The following LUZP2 variants were observed in gnomAD, a reference collection of about 807,000 sequenced individuals.
LUZP2 encodes the protein leucine zipper protein 2.
In LUZP2, 52 loss-of-function variants were observed where a neutral mutation model predicts 51.6. That is an observed-to-expected ratio of 1.01 (90% CI 0.81 to 1.27). The LOEUF (loss-of-function observed/expected upper bound fraction) is 1.27, where lower values mean the gene tolerates loss of function less well. LUZP2 is among the 50% of genes most tolerant of loss of function. The probability of loss-of-function intolerance (pLI) is 0.00; values close to 1 mark genes in which losing one functional copy is unlikely to be tolerated. For missense variants in LUZP2, 436 were observed against 395.4 expected, an observed-to-expected ratio of 1.10 and a Z score of -0.87; for synonymous variants, 154 against 137.3, an observed-to-expected ratio of 1.12 and a Z score of -0.85.
At chr11:24,771,494 T>C (rs1260274988) in intron 5 of LUZP2, among the ~76,000 whole-genome samples, 2 of 150,446 alleles carry the variant, frequency 1.3e-5, no homozygotes, top group Non-Finnish European at 3.0e-5. Flanking sequence ...TAGCACATCA[T>C]AGTTCACATT....
At chr11:24,669,188 G>A (rs1205067852) in intron 1 of LUZP2, among the ~76,000 whole-genome samples, 1 of 152,124 alleles carries the variant, frequency 6.6e-6, no homozygotes. Flanking sequence ...AGTAAAATTA[G>A]AAAATTAGCA....
chr11:24,568,365 A>C (rs969884094), intron 1 of LUZP2, among the ~76,000 whole-genome samples: 4 of 151,842 alleles, frequency 2.6e-5, no homozygotes, highest in African/African-American at 7.2e-5. Flanking sequence ...GAAAAAAAAA[A>C]AAAAAAAAGG....
intron 5 of LUZP2, among the ~76,000 whole-genome samples, chr11:24,850,268 A>G (rs1851349019): frequency 6.6e-6 from 1 of 152,140 alleles, no homozygotes; most frequent in African/African-American, 2.4e-5. Context: ...TCTTATGTTT[A>G]AGTGTTTATT....
intron 9 of LUZP2, among the ~76,000 whole-genome samples, chr11:25,032,864 A>T (rs983357610): frequency 1.3e-5 from 2 of 152,190 alleles, no homozygotes; most frequent in African/African-American, 4.8e-5. Context: ...ACCACTATTT[A>T]TTCTGAAGTT....
At chr11:24,841,603 AC>A (rs1455492625) in intron 5 of LUZP2, among the ~76,000 whole-genome samples, 1 of 152,114 alleles carries the variant, frequency 6.6e-6, no homozygotes, top group Non-Finnish European at 1.5e-5. Context: ...TACACATGTA[AC>A]TTTAAATGCC....
chr11:24,860,115 G>A (rs1399381230), intron 5 of LUZP2, among the ~76,000 whole-genome samples: 1 of 152,190 alleles, frequency 6.6e-6, no homozygotes, highest in African/African-American at 2.4e-5. Context: ...TGGAGCCAGG[G>A]AGGCATAAAG....
At chr11:24,671,738 C>G (rs1856407557) in intron 1 of LUZP2, among the ~76,000 whole-genome samples, 1 of 152,080 alleles carries the variant, frequency 6.6e-6, no homozygotes. Context: ...GAGTCCCATT[C>G]CTTGAACATT....
intron 1 of LUZP2, among the ~76,000 whole-genome samples, chr11:24,562,176 T>A (rs570289451): frequency 8.8e-4 from 134 of 151,950 alleles, no homozygotes; most frequent in Middle Eastern, 3.4e-3. Context: ...CCAGAAAAAA[T>A]TAAAAATATA....
chr11:24,742,776 A>G (rs1441316155), intron 4 of LUZP2, among the ~76,000 whole-genome samples: 1 of 152,120 alleles, frequency 6.6e-6, no homozygotes, highest in Non-Finnish European at 1.5e-5. Flanking sequence ...GCCTAAGCCA[A>G]TGTCAAGAAC....
At chr11:24,750,535 AT>A (rs1237926361) in intron 4 of LUZP2, among the ~76,000 whole-genome samples, 1 of 152,230 alleles carries the variant, frequency 6.6e-6, no homozygotes, top group Admixed American at 6.5e-5. Context: ...TTACTCAAAT[AT>A]TCTACCAGTT....
At chr11:25,064,193 CT>C (rs902906248) in intron 10 of LUZP2, among the ~76,000 whole-genome samples, 1 of 151,756 alleles carries the variant, frequency 6.6e-6, no homozygotes, top group African/African-American at 2.4e-5. Context: ...TACTGATTTC[CT>C]TGGTGAAAAA....
chr11:24,833,703 C>CA (rs67774356), intron 5 of LUZP2, among the ~76,000 whole-genome samples: 748 of 13,296 alleles, frequency 0.056, 3 homozygotes, highest in Non-Finnish European at 0.11. Context: ...CGCCTGCCAC[C>CA]GCGCGCGCGC....
intron 1 of LUZP2, among the ~76,000 whole-genome samples, chr11:24,673,322 C>T (rs1479763961): frequency 8.5e-5 from 13 of 152,116 alleles, no homozygotes; most frequent in Admixed American, 2.6e-4. Flanking sequence ...ATGTGGTACA[C>T]GACTATATAT....
At chr11:24,510,789 T>C (rs139435655) in intron 1 of LUZP2, among the ~76,000 whole-genome samples, 23 of 152,322 alleles carry the variant, frequency 1.5e-4, no homozygotes, top group African/African-American at 5.5e-4. Flanking sequence ...AAAAGAAATT[T>C]AAAATATTTG....
chr11:24,687,473 C>T (rs933532119), intron 1 of LUZP2, among the ~76,000 whole-genome samples: 3 of 152,010 alleles, frequency 2.0e-5, no homozygotes, highest in Non-Finnish European at 2.9e-5. Flanking sequence ...AGAATGGTAC[C>T]TTTATCAGGT....
chr11:25,017,886 T>C (rs1052358530), intron 9 of LUZP2, among the ~76,000 whole-genome samples: 12 of 152,172 alleles, frequency 7.9e-5, no homozygotes, highest in African/African-American at 2.9e-4. Flanking sequence ...GTTATCTTCA[T>C]GATAATGATT....
chr11:24,517,483 C>CAAAAAAAAAAAAAAA lies in LUZP2; in HGVS notation c.62+20194_62+20208dup, dbSNP rs71041768. ...CCTGGGTGACAGAGCCAGACGCCGT[C>CAAAAAAAAAAAAAAA]AAAAAAAAAAAAAAAAAAAAAAAAA... is the stretch of plus-strand genomic sequence containing the variant. On this transcript the variant is annotated intron_variant, in intron 1 of 11. Coordinates refer to ENST00000336930, the MANE Select transcript of LUZP2 (RefSeq NM_001009909.4). 7.2e-3 allele frequency among the ~76,000 whole-genome samples: 320 copies of CAAAAAAAAAAAAAAA among 44,150 alleles called. 46 individuals carry two copies. The highest frequency in any genetic ancestry group is 9.1e-3 in the Non-Finnish European group (232 of 25,474). The allele number at this position is 44,150 out of a possible 152,430, so 29.0% of individuals were successfully genotyped here.
chr11:24,690,020 A>G (rs374693504), intron 1 of LUZP2, among the ~76,000 whole-genome samples: 54 of 152,196 alleles, frequency 3.5e-4, no homozygotes, highest in African/African-American at 1.2e-3. Context: ...GTATTTCTCT[A>G]TTTTTAGCAG....
chr11:24,689,225 G>A (rs1856991730), intron 1 of LUZP2, among the ~76,000 whole-genome samples: 1 of 152,178 alleles, frequency 6.6e-6, no homozygotes, highest in Non-Finnish European at 1.5e-5. Context: ...TCCAAGGTTT[G>A]CATTTTTTTC....
Sources: allele counts gnomAD v4.1 joint callset (sites outside exome capture counted in the v4.1 genomes callset), GRCh38; gene constraint gnomAD v4.1.1; transcripts MANE v1.5; gene names NCBI Gene and HGNC (gene_info 2026-07-23, HGNC 2026-07-21).